TBC1D13: variants seen among roughly 807,000 people sequenced by gnomAD.
The protein encoded by TBC1D13 is epididymis secretory sperm binding protein.
A neutral mutation model predicts 53.6 loss-of-function variants in TBC1D13; 40 were observed. That is an observed-to-expected ratio of 0.75 (90% CI 0.58 to 0.97). The LOEUF (loss-of-function observed/expected upper bound fraction) is 0.97. TBC1D13 is among the 50% of genes least tolerant of loss of function. The pLI is 0.00. For synonymous variants in TBC1D13, 182 were observed against 197.7 expected, an observed-to-expected ratio of 0.92 and a Z score of 0.67; for missense variants, 377 against 499.4, an observed-to-expected ratio of 0.75 and a Z score of 2.34.
rs1829831322 is a variant in TBC1D13 at position 128,806,273 on chromosome 9, C to T, written c.1099C>T (p.Leu367=). 6.2e-7 allele frequency: 1 copy of T among 1,614,166 alleles called. No homozygotes were observed. The highest frequency in any genetic ancestry group is 2.2e-5 in the East Asian group (1 of 44,876). ...AMLMLIREQL[L]EGDFTVNMRL... ...TCATAGGCTGATCCGGGAGCAGTTG[C>T]TGGAAGGGGACTTCACTGTGAATAT... Residue 367 remains leucine (L), a synonymous_variant, in exon 11 of 12, where the codon CTG becomes TTG. Transcript: ENST00000372648.
At chr9:128,797,359 G>T in intron 7 of TBC1D13, 145 bp downstream of exon 7, 1 of 900,902 alleles carries the variant, frequency 1.1e-6, no homozygotes, top group South Asian at 1.8e-5. Flanking sequence ...AGATCCTGGG[G>T]TGCTTTCTAA....
At chr9:128,793,332 A>G (rs184141964) in intron 6 of TBC1D13, among the ~76,000 whole-genome samples, 5 of 152,320 alleles carry the variant, frequency 3.3e-5, no homozygotes, top group Admixed American at 3.3e-4. Flanking sequence ...GTGCTTTTCC[A>G]CTTGGTAAAG....
chr9:128,791,560 G>A (rs138899562), intron 4 of TBC1D13, 34 bp from the exon 5 acceptor site: 17 of 1,612,140 alleles, frequency 1.1e-5, no homozygotes, highest in Non-Finnish European at 1.4e-5. Context: ...GGGCAGGACC[G>A]TTGGGAATCA....
At chr9:128,799,490 C>T (rs941472767) in intron 7 of TBC1D13, among the ~76,000 whole-genome samples, 4 of 152,138 alleles carry the variant, frequency 2.6e-5, no homozygotes, top group Admixed American at 1.3e-4. Context: ...TCTTCAAAAG[C>T]AGAAAGCCCT....
chr9:128,808,294 C>T lies in TBC1D13; in HGVS notation c.*415C>T, dbSNP rs886879178. Reference sequence around the variant, plus strand: ...GAAACCGCTTCTGAGCGGGGCACTTCGGCTGCTCCACAGGGAAGGCGACAC... The same window carrying T: ...GAAACCGCTTCTGAGCGGGGCACTTTGGCTGCTCCACAGGGAAGGCGACAC... On this transcript the variant is annotated 3_prime_UTR_variant, in exon 12 of 12. Coordinates refer to ENST00000372648, the MANE Select transcript of TBC1D13 (RefSeq NM_018201.5). The T allele has an allele frequency of 5.6e-5, 13 of 230,748 alleles. No homozygotes were observed. Among genetic ancestry groups the T allele is most frequent in the African/African-American group, 8.8e-5 (4 of 45,580 alleles). 14.3% of individuals were successfully genotyped at this position (230,748 alleles called of 1,614,324 possible).
intron 3 of TBC1D13, 36 bp from the exon 4 acceptor site, chr9:128,791,344 G>A: frequency 6.2e-7 from 1 of 1,603,440 alleles, no homozygotes; most frequent in South Asian, 1.1e-5. Context: ...TGGTGCAGGA[G>A]GGTCACCAGA....
intron 7 of TBC1D13, among the ~76,000 whole-genome samples, chr9:128,802,051 G>A (rs1179143382): frequency 1.8e-4 from 27 of 146,588 alleles, no homozygotes; most frequent in African/African-American, 5.9e-4. Context: ...GTGAGCCACC[G>A]CACCCAGCCT....
chr9:128,807,213 A>G (rs1451843883), intron 11 of TBC1D13, among the ~76,000 whole-genome samples: 1 of 150,806 alleles, frequency 6.6e-6, no homozygotes, highest in Admixed American at 6.6e-5. Flanking sequence ...TAGCCTCCCG[A>G]GTAGCTGGGA....
chr9:128,800,036 A>G (rs1829704693), intron 7 of TBC1D13, among the ~76,000 whole-genome samples: 1 of 152,240 alleles, frequency 6.6e-6, no homozygotes, highest in South Asian at 2.1e-4. Context: ...TAAAAAATAA[A>G]AAAGCTCTTG....
At chr9:128,801,543 G>A (rs541602496) in intron 7 of TBC1D13, among the ~76,000 whole-genome samples, 61 of 151,984 alleles carry the variant, frequency 4.0e-4, no homozygotes, top group African/African-American at 1.5e-3. Context: ...GCTGGGCATG[G>A]TGGTGGGTGC....
In TBC1D13 at chr9:128,791,713, G is replaced by A. The variant is rs373900729; in HGVS notation, c.300+20G>A. 8.0e-5 allele frequency: 129 copies of A among 1,607,682 alleles called. No homozygotes were observed. The highest frequency in any genetic ancestry group is 9.5e-5 in the Non-Finnish European group (111 of 1,174,530). ...GACCATGTGAGTAGAGGTTGACAGC[G>A]GAGACCCAGGATACAGAATGTGGAG... is the stretch of plus-strand genomic sequence containing the variant. On this transcript the variant is annotated intron_variant, in intron 5 of 11. Coordinates refer to ENST00000372648, the MANE Select transcript of TBC1D13 (RefSeq NM_018201.5).
intron 3 of TBC1D13, among the ~76,000 whole-genome samples, 195 bp from the exon 4 acceptor site, chr9:128,791,185 G>C (rs1829525565): frequency 6.6e-6 from 1 of 152,140 alleles, no homozygotes; most frequent in Admixed American, 6.6e-5. Flanking sequence ...GGGCTGGTTT[G>C]GGTTAAAGGA....
Position 128,810,070 on chromosome 9 carries a change from G to C in TBC1D13, c.*2191G>C, listed in dbSNP as rs1306174490. 6.6e-6 allele frequency: 1 copy of C among 152,404 alleles called. No individual in the cohort carries two copies. The highest frequency in any genetic ancestry group is 1.9e-4 in the East Asian group (1 of 5,184). 9.4% of individuals were successfully genotyped at this position (152,404 alleles called of 1,614,324 possible). A position where few individuals can be genotyped will look rare whatever the true frequency, so the allele number is the denominator to read the frequency against. On this transcript the variant is annotated 3_prime_UTR_variant, in exon 12 of 12. Transcript: ENST00000372648. ...TACTTTGCCTCGCTGGCAGAGTTGG[G>C]TCAAGTGCCCTCTCCTTGACCTTGA...
At chr9:128,787,559 TCTC>T (rs1166583421) in intron 1 of TBC1D13, among the ~76,000 whole-genome samples, 183 bp downstream of exon 1, 1 of 151,918 alleles carries the variant, frequency 6.6e-6, no homozygotes, top group African/African-American at 2.4e-5. Flanking sequence ...GGGCGGCCCT[TCTC>T]CTGCCCCTGA....
rs1041275842 is a variant in TBC1D13 at position 128,792,412 on chromosome 9, A to G, written c.301-80A>G. ...GCAGTGGGATTGTTGCAGCAAGGCCACTGCTCAGGTTTCCGGGATAGAATC... is the reference window on the plus strand; with the variant it reads ...GCAGTGGGATTGTTGCAGCAAGGCCGCTGCTCAGGTTTCCGGGATAGAATC... On this transcript the variant is annotated intron_variant, in intron 5 of 11. Coordinates refer to ENST00000372648, the MANE Select transcript of TBC1D13 (RefSeq NM_018201.5). 3.9e-6 allele frequency: 5 copies of G among 1,270,838 alleles called. No homozygotes were observed. The African/African-American group carries it at 7.4e-5, about 19-fold the overall frequency. 78.7% of individuals were successfully genotyped at this position (1,270,838 alleles called of 1,614,324 possible). A position where few individuals can be genotyped will look rare whatever the true frequency, so the allele number is the denominator to read the frequency against.
Position 128,807,991 on chromosome 9 carries a change from G to C in TBC1D13, c.*112G>C. Reference sequence around the variant, plus strand: ...CAGCCTGAGGGGAAGCCACAGGATCGGCCCGAGACCCAGGCCATGCCCACT... The same window carrying C: ...CAGCCTGAGGGGAAGCCACAGGATCCGCCCGAGACCCAGGCCATGCCCACT... On this transcript the variant is annotated 3_prime_UTR_variant, in exon 12 of 12. Coordinates refer to ENST00000372648, the MANE Select transcript of TBC1D13 (RefSeq NM_018201.5). 1.9e-6 allele frequency: 2 copies of C among 1,042,460 alleles called. No homozygotes were observed. The highest frequency in any genetic ancestry group is 2.6e-5 in the South Asian group (2 of 75,546). The allele number at this position is 1,042,460 out of a possible 1,614,324, so 64.6% of individuals were successfully genotyped here. A position where few individuals can be genotyped will look rare whatever the true frequency, so the allele number is the denominator to read the frequency against.
At chr9:128,804,248 C>T (rs1038140677) in intron 9 of TBC1D13, 129 bp downstream of exon 9, 15 of 1,108,464 alleles carry the variant, frequency 1.4e-5, no homozygotes, top group Non-Finnish European at 1.6e-5. Context: ...CTGCCCGGGA[C>T]GCTGACCCAT....
chr9:128,806,264 G>A lies in TBC1D13; in HGVS notation c.1090G>A (p.Glu364Lys). Reference sequence around the variant, plus strand: ...TGCTGCTTTTCATAGGCTGATCCGGGAGCAGTTGCTGGAAGGGGACTTCAC... The same window carrying A: ...TGCTGCTTTTCATAGGCTGATCCGGAAGCAGTTGCTGGAAGGGGACTTCAC... ...VCCAMLMLIR[E>K]QLLEGDFTVN... Residue 364 changes from glutamate (E) to lysine (K), a missense_variant, in exon 11 of 12, where the codon GAG (glutamate) becomes AAG (lysine). Transcript: ENST00000372648. 6.2e-7 allele frequency: 1 copy of A among 1,614,164 alleles called. No homozygotes were observed. Among genetic ancestry groups the A allele is most frequent in the Non-Finnish European group, 8.5e-7 (1 of 1,180,040 alleles).
chr9:128,804,025 A>G lies in TBC1D13; in HGVS notation c.824A>G (p.Lys275Arg). ...LMAEIRDNFI[K>R]SLDDSQCGIT... ...GCCGAGATCCGGGACAACTTTATCA[A>G]GAGCCTGGATGACTCGCAGTGTGGC... is the stretch of plus-strand genomic sequence containing the variant. Residue 275 changes from lysine (K) to arginine (R), a missense_variant, in exon 9 of 12, where the codon AAG becomes AGG. Physicochemically the swap from Lys to Arg is conservative, Grantham distance 26. Transcript: ENST00000372648. 1 of 1,614,116 alleles carries G rather than the reference A, an allele frequency of 6.2e-7. No individual in the cohort carries two copies. Among genetic ancestry groups the G allele is most frequent in the Non-Finnish European group, 8.5e-7 (1 of 1,180,048 alleles).
Sources: allele counts gnomAD v4.1 joint callset (sites outside exome capture counted in the v4.1 genomes callset), GRCh38; gene constraint gnomAD v4.1.1; transcripts MANE v1.5; gene names NCBI Gene and HGNC (gene_info 2026-07-23, HGNC 2026-07-21).